DST: variants seen among roughly 807,000 people sequenced by gnomAD.
DST encodes bullous pemphigoid antigen.
Under a neutral mutation model 875.2 loss-of-function variants are expected in DST, and 253 were observed. The observed-to-expected ratio is 0.29, with a 90% CI of 0.26 to 0.32. The LOEUF (loss-of-function observed/expected upper bound fraction) is 0.32. DST is among the 10% of genes least tolerant of loss of function. The pLI, the probability that DST is intolerant of heterozygous loss-of-function variation, is 1.00. For synonymous variants in DST, 3,124 were observed against 3,197.1 expected (o/e 0.98, Z 0.77); for missense variants, 8,287 against 9,111.6 (o/e 0.91, Z 3.68).
intron 9 of DST, among the ~76,000 whole-genome samples, chr6:56,682,853 TA>T (rs2099163384): frequency 6.6e-6 from 1 of 152,090 alleles, no homozygotes; most frequent in African/African-American, 2.4e-5. Context: ...ACATAATAAA[TA>T]TGAGAGACCA....
In DST at chr6:56,553,103, T is replaced by C. The variant is rs745992442; in HGVS notation, c.15689A>G (p.Asn5230Ser). The change falls in exon 61 of 104, where the codon AAT becomes AGT. Residue 5230 changes from asparagine (N) to serine (S), a missense_variant. By Grantham distance (46) the Asn-to-Ser change is conservative. Coordinates refer to ENST00000680361, the MANE Select transcript of DST (RefSeq NM_001374736.1). ...GMVELLNNTA[N>S]SLLSVCEIDK... ...TATCTCACAGACACTGAGCAAGCTATTGGCTGTGTTGTTCAGTAATTCTAC... is the reference window on the plus strand; with the variant it reads ...TATCTCACAGACACTGAGCAAGCTACTGGCTGTGTTGTTCAGTAATTCTAC... The C allele has an allele frequency of 3.2e-5, 51 of 1,613,982 alleles. No individual in the cohort carries two copies. The highest frequency in any genetic ancestry group is 3.3e-4 in the Middle Eastern group (2 of 6,062).
chr6:56,554,373 C>T (rs764912716), intron 60 of DST, among the ~76,000 whole-genome samples: 60 of 152,114 alleles, frequency 3.9e-4, no homozygotes, highest in Non-Finnish European at 6.5e-4. Context: ...TGTGAGCCAC[C>T]GCTCCTGGCC....
At position 56,782,739 on chromosome 6, in the gene DST, T is replaced by C. The variant is rs544727165; in HGVS notation, c.626-47450A>G. On this transcript the variant is annotated intron_variant, in intron 4 of 103. Transcript: ENST00000680361. ...TCTATTTCCTTCAGTTCTGCTCTGATTTTCGTTATTTCTTGCCTTCTGTTA... is the reference window on the plus strand; with the variant it reads ...TCTATTTCCTTCAGTTCTGCTCTGACTTTCGTTATTTCTTGCCTTCTGTTA... Among the ~76,000 whole-genome samples, 37 of 152,320 alleles carry C rather than the reference T, an allele frequency of 2.4e-4. No homozygotes were observed. In the East Asian group the frequency reaches 6.4e-3, roughly 26 times the overall value.
intron 61 of DST, chr6:56,541,460 G>T (rs2097125174): frequency 1.3e-5 from 2 of 152,604 alleles, no homozygotes; most frequent in African/African-American, 4.8e-5. Flanking sequence ...ATCATAGATT[G>T]ACCGCTGTGG....
At chr6:56,682,589 A>T (rs2099162123) in intron 9 of DST, among the ~76,000 whole-genome samples, 1 of 152,198 alleles carries the variant, frequency 6.6e-6, no homozygotes, top group South Asian at 2.1e-4. Context: ...AACTGGAACT[A>T]AAAGAAGGTG....
intron 36 of DST, chr6:56,615,497 A>T (rs769092198): frequency 6.2e-7 from 1 of 1,613,824 alleles, no homozygotes; most frequent in Non-Finnish European, 8.5e-7. Flanking sequence ...CCCCTTGCAC[A>T]GTTATTTAAA....
chr6:56,587,693 T>A (rs1390753338), intron 49 of DST, among the ~76,000 whole-genome samples: 1 of 151,972 alleles, frequency 6.6e-6, no homozygotes, highest in Non-Finnish European at 1.5e-5. Context: ...GGGAAGCCCA[T>A]CAGACTAACA....
rs373771451 is a variant in DST at position 56,607,532 on chromosome 6, G to C, written c.7096C>G (p.Leu2366Val). The change falls in exon 40 of 104, where the codon CTT becomes GTT. Residue 2366 changes from leucine (L) to valine (V), a missense_variant. This residue lies in a region of DST where 3,138 missense variants were observed against 3,116.6 expected (regional missense o/e 1.01). Coordinates refer to ENST00000680361, the MANE Select transcript of DST (RefSeq NM_001374736.1). ...SMLRSDSENI[L>V]TNYENQSRVE... ...CGGCTTTGATTTTCATAGTTTGTAA[G>C]TATGTTTTCAGAGTCACTTCTAAGC... 20 of 1,604,466 alleles carry C rather than the reference G, an allele frequency of 1.2e-5. No homozygotes were observed. The highest frequency in any genetic ancestry group is 1.7e-5 in the Non-Finnish European group (20 of 1,174,638).
chr6:56,760,096 G>C (rs1199417164), intron 4 of DST, among the ~76,000 whole-genome samples: 1 of 152,130 alleles, frequency 6.6e-6, no homozygotes, highest in Non-Finnish European at 1.5e-5. Flanking sequence ...AAATAACTTT[G>C]AGAGAACACA....
At chr6:56,715,584 A>C (rs1186628591) in intron 5 of DST, among the ~76,000 whole-genome samples, 1 of 152,174 alleles carries the variant, frequency 6.6e-6, no homozygotes, top group Non-Finnish European at 1.5e-5. Flanking sequence ...GTCCAAAAGA[A>C]ATGCAATTGC....
chr6:56,869,323 G>T (rs1236398852), intron 3 of DST, among the ~76,000 whole-genome samples: 1 of 152,126 alleles, frequency 6.6e-6, no homozygotes, highest in Non-Finnish European at 1.5e-5. Flanking sequence ...ATTCTTAGAG[G>T]CTAGAGCAAT....
chr6:56,485,389 C>T lies in DST; in HGVS notation c.21130G>A (p.Val7044Ile). Residue 7044 changes from valine (V) to isoleucine (I), a missense_variant, in exon 88 of 104, where the codon GTT (valine) becomes ATT (isoleucine). Around this residue, in one of 10 missense-constraint regions of DST, gnomAD observed 1,292 missense variants for 1,552.7 expected, o/e 0.83. Coordinates refer to ENST00000680361, the MANE Select transcript of DST (RefSeq NM_001374736.1). ...LQALIDWLYR[V>I]EPQLAEDQPV... is the part of the protein sequence containing the mutation. ...TGGTCTTCTGCCAGCTGGGGTTCAACTCTATATAACCAATCAATGAGAGCC... is the reference window on the plus strand; with the variant it reads ...TGGTCTTCTGCCAGCTGGGGTTCAATTCTATATAACCAATCAATGAGAGCC... The T allele has an allele frequency of 6.2e-7, 1 of 1,613,838 alleles. No individual in the cohort carries two copies. The highest frequency in any genetic ancestry group is 8.5e-7 in the Non-Finnish European group (1 of 1,179,806).
intron 78 of DST, 145 bp downstream of exon 78, chr6:56,503,852 A>T (rs2096228048): frequency 2.0e-6 from 1 of 512,224 alleles, no homozygotes; most frequent in Non-Finnish European, 3.4e-6. Context: ...ATTGCTTAGC[A>T]TGTGAAAGCA....
At chr6:56,575,004 G>C (rs1041829622) in intron 50 of DST, among the ~76,000 whole-genome samples, 3 of 152,070 alleles carry the variant, frequency 2.0e-5, no homozygotes, top group African/African-American at 7.2e-5. Context: ...AAAACATCTT[G>C]AAAATTTTCA....
intron 3 of DST, chr6:56,852,069 G>A: frequency 1.4e-6 from 2 of 1,399,068 alleles, no homozygotes; most frequent in Middle Eastern, 2.7e-4. Context: ...GCAGGATGTT[G>A]AGTCCCAACT....
intron 4 of DST, among the ~76,000 whole-genome samples, chr6:56,806,191 C>T (rs2153028818): frequency 6.6e-6 from 1 of 152,306 alleles, no homozygotes; most frequent in South Asian, 2.1e-4. Flanking sequence ...CCCCCACTTT[C>T]CCATAAATGA....
chr6:56,631,188 A>G lies in DST; in HGVS notation c.4142+23T>C, dbSNP rs558194457. ...ATGAGAGTTGTATGAAGCAATTTAT[A>G]TATTGAGATAGCAGTTACATACTTA... is the stretch of plus-strand genomic sequence containing the variant. On this transcript the variant is annotated intron_variant, in intron 30 of 103. Coordinates refer to ENST00000680361, the MANE Select transcript of DST (RefSeq NM_001374736.1). The G allele has an allele frequency of 1.4e-5, 20 of 1,435,164 alleles. 1 individual carries two copies. In the South Asian group the frequency reaches 1.7e-4, roughly 12 times the overall value. 88.9% of individuals were successfully genotyped at this position (1,435,164 alleles called of 1,614,324 possible).
chr6:56,534,357 C>A (rs936576747), intron 63 of DST, among the ~76,000 whole-genome samples: 4 of 152,128 alleles, frequency 2.6e-5, no homozygotes, highest in Non-Finnish European at 5.9e-5. Flanking sequence ...TCATGGCTGG[C>A]TGATTACTAC....
At chr6:56,505,705 C>T (rs1021783389) in intron 77 of DST, among the ~76,000 whole-genome samples, 9 of 151,936 alleles carry the variant, frequency 5.9e-5, no homozygotes, top group Non-Finnish European at 1.2e-4. Flanking sequence ...AATACTTAAG[C>T]TTTTTCCATA....
Sources: gnomAD v4.1 joint callset for allele counts (sites outside exome capture counted in the v4.1 genomes callset) on GRCh38, gnomAD v4.1.1 for gene constraint, gnomAD v4.1.1 regional missense constraint, MANE v1.5 for transcripts, NCBI Gene and HGNC (gene_info 2026-07-23, HGNC 2026-07-21) for gene names.